RBMS3: variants seen among roughly 807,000 people sequenced by gnomAD.
RBMS3 encodes the protein RNA binding motif single stranded interacting protein 3.
A neutral mutation model predicts 66.8 loss-of-function variants in RBMS3; 27 were observed. That is an observed-to-expected ratio of 0.40 (90% CI 0.30 to 0.56). The LOEUF (loss-of-function observed/expected upper bound fraction) is 0.56, where lower values mean the gene tolerates loss of function less well. RBMS3 is among the 20% of genes least tolerant of loss of function. The probability of loss-of-function intolerance (pLI) is 0.40; values close to 1 mark genes in which losing one functional copy is unlikely to be tolerated. For synonymous variants in RBMS3, 188 were observed against 183.0 expected (o/e 1.03, Z -0.22); for missense variants, 513 against 549.5 (o/e 0.93, Z 0.66).
intron 4 of RBMS3, among the ~76,000 whole-genome samples, chr3:29,638,915 A>G (rs1234106331): frequency 1.3e-5 from 2 of 151,862 alleles, no homozygotes; most frequent in African/African-American, 4.8e-5. Context: ...AATTAAGACT[A>G]CATTTTTTAT....
At chr3:29,497,972 C>CTTTTTTTTTT (rs1559412873) in intron 3 of RBMS3, among the ~76,000 whole-genome samples, 1 of 42,276 alleles carries the variant, frequency 2.4e-5, no homozygotes, top group African/African-American at 9.5e-5. Flanking sequence ...TAAAAGTATT[C>CTTTTTTTTTT]ATTTTTTTTT....
At chr3:29,726,818 C>G (rs939404212) in intron 4 of RBMS3, among the ~76,000 whole-genome samples, 5 of 152,120 alleles carry the variant, frequency 3.3e-5, no homozygotes, top group African/African-American at 1.2e-4. Flanking sequence ...CAATGCTATT[C>G]CTGTTAAGCT....
intron 14 of RBMS3, among the ~76,000 whole-genome samples, chr3:29,993,502 T>G (rs1223735963): frequency 6.6e-6 from 1 of 152,080 alleles, no homozygotes; most frequent in Non-Finnish European, 1.5e-5. Context: ...TCTGTGAGGG[T>G]GATTTTGGAT....
intron 3 of RBMS3, among the ~76,000 whole-genome samples, chr3:29,524,414 C>CTTTTTTTTT (rs2044992491): frequency 6.6e-5 from 6 of 90,576 alleles, no homozygotes; most frequent in Admixed American, 1.1e-4. Context: ...ACTCCCTTTA[C>CTTTTTTTTT]ATTTTTTTTT....
At chr3:29,736,856 G>T (rs868630524) in intron 4 of RBMS3, among the ~76,000 whole-genome samples, 1 of 152,170 alleles carries the variant, frequency 6.6e-6, no homozygotes, top group African/African-American at 2.4e-5. Context: ...AGTGAAGCGG[G>T]AGCACCAAAG....
At chr3:29,528,804 G>A (rs868554618) in intron 3 of RBMS3, among the ~76,000 whole-genome samples, 1 of 152,134 alleles carries the variant, frequency 6.6e-6, no homozygotes, top group Admixed American at 6.5e-5. Flanking sequence ...CGTGATCTCG[G>A]CTCACTGTAA....
At chr3:29,503,006 C>T (rs1040463821) in intron 3 of RBMS3, among the ~76,000 whole-genome samples, 2 of 152,138 alleles carry the variant, frequency 1.3e-5, no homozygotes, top group Admixed American at 1.3e-4. Context: ...GGAGGCCACT[C>T]TATCCCAATT....
At chr3:29,626,265 G>A (rs2049057703) in intron 4 of RBMS3, among the ~76,000 whole-genome samples, 1 of 152,082 alleles carries the variant, frequency 6.6e-6, no homozygotes, top group Non-Finnish European at 1.5e-5. Context: ...CCAATATTTG[G>A]CCTACCCCAT....
At chr3:29,294,722 A>G (rs2033100758) in intron 1 of RBMS3, among the ~76,000 whole-genome samples, 1 of 151,758 alleles carries the variant, frequency 6.6e-6, no homozygotes, top group Non-Finnish European at 1.5e-5. Flanking sequence ...TCAGGAAACT[A>G]ACTTAGCTTG....
chr3:29,994,222 G>A (rs532362309), intron 14 of RBMS3, among the ~76,000 whole-genome samples: 40 of 152,176 alleles, frequency 2.6e-4, no homozygotes, highest in East Asian at 1.2e-3. Flanking sequence ...CTTTTCCCAC[G>A]GGCTTAAAAA....
chr3:29,352,263 T>A (rs551961035), intron 1 of RBMS3, among the ~76,000 whole-genome samples: 7 of 152,204 alleles, frequency 4.6e-5, no homozygotes, highest in Middle Eastern at 3.4e-3. Flanking sequence ...TATGGATAAT[T>A]CATTTGGGCC....
At chr3:29,887,034 A>G (rs1156785449) in intron 8 of RBMS3, among the ~76,000 whole-genome samples, 2 of 151,858 alleles carry the variant, frequency 1.3e-5, no homozygotes, top group Non-Finnish European at 2.9e-5. Context: ...GGAAATCAAC[A>G]TTAAAAGTAT....
rs779555263 is a variant in RBMS3 at position 29,497,973 on chromosome 3, ATTTTTTTTTTTTTTTTT to A, written c.307+9495_307+9511del. On this transcript the variant is annotated intron_variant, in intron 3 of 14. Coordinates refer to ENST00000383767, the MANE Select transcript of RBMS3 (RefSeq NM_001003793.3). Reference sequence around the variant, plus strand: ...TCAGAGTTATTCTCTAAAAGTATTCATTTTTTTTTTTTTTTTTTTTTTTTTTTTTTTTTTTTTGGGAG... The same window carrying A: ...TCAGAGTTATTCTCTAAAAGTATTCATTTTTTTTTTTTTTTTTTTTGGGAG... Among the ~76,000 whole-genome samples the A allele has an allele frequency of 3.0e-3, 129 of 43,438 alleles. 2 individuals are homozygous for A. In the East Asian group the frequency reaches 0.062, roughly 21 times the overall value. The allele number at this position is 43,438 out of a possible 152,430, so 28.5% of individuals were successfully genotyped here.
chr3:29,594,426 A>T (rs1003673222), intron 4 of RBMS3, among the ~76,000 whole-genome samples: 2 of 152,204 alleles, frequency 1.3e-5, no homozygotes, highest in Non-Finnish European at 2.9e-5. Flanking sequence ...AATAACTGTG[A>T]TTCCAAAGAA....
At chr3:29,624,807 G>T (rs1341427851) in intron 4 of RBMS3, among the ~76,000 whole-genome samples, 1 of 151,802 alleles carries the variant, frequency 6.6e-6, no homozygotes, top group Non-Finnish European at 1.5e-5. Context: ...AATATAGAAG[G>T]TTCAGTGTAT....
intron 6 of RBMS3, among the ~76,000 whole-genome samples, chr3:29,821,236 G>A (rs2058070091): frequency 6.6e-6 from 1 of 152,180 alleles, no homozygotes. Context: ...TTTTGCTTGG[G>A]TTATGAAGTT....
intron 3 of RBMS3, among the ~76,000 whole-genome samples, chr3:29,583,665 G>T (rs770298994): frequency 2.6e-5 from 4 of 152,034 alleles, no homozygotes; most frequent in Non-Finnish European, 5.9e-5. Context: ...GAAGTTTCTA[G>T]ATACGCCCAC....
chr3:29,844,011 G>A (rs1036924961), intron 6 of RBMS3, among the ~76,000 whole-genome samples: 1 of 151,692 alleles, frequency 6.6e-6, no homozygotes, highest in African/African-American at 2.4e-5. Context: ...TTTTACATCT[G>A]GGGGATAAGA....
At chr3:29,828,458 A>G (rs1415453595) in intron 6 of RBMS3, among the ~76,000 whole-genome samples, 1 of 152,154 alleles carries the variant, frequency 6.6e-6, no homozygotes, top group Non-Finnish European at 1.5e-5. Flanking sequence ...TTAGAACATA[A>G]AAAACAATGC....
Sources: gnomAD v4.1 joint callset for allele counts (sites outside exome capture counted in the v4.1 genomes callset) on GRCh38, gnomAD v4.1.1 for gene constraint, MANE v1.5 for transcripts, NCBI Gene and HGNC (gene_info 2026-07-23, HGNC 2026-07-21) for gene names.